Variants in HSPA12A observed in about 807,000 individuals in gnomAD.
HSPA12A encodes heat shock protein family A (Hsp70) member 12A, also known as heat shock 70 kDa protein 12A.
A neutral mutation model predicts 69.2 loss-of-function variants in HSPA12A; 28 were observed. The ratio of observed to expected loss-of-function variants is 0.40; its 90% confidence interval spans 0.30 to 0.55. The LOEUF is 0.55. HSPA12A is among the 20% of genes least tolerant of loss of function. HSPA12A has a pLI of 0.38. For missense variants in HSPA12A, 686 were observed against 900.7 expected (o/e 0.76, Z 3.05); for synonymous variants, 345 against 370.5 (o/e 0.93, Z 0.79).
At chr10:116,716,467 T>C (rs1589655754) in intron 1 of HSPA12A, among the ~76,000 whole-genome samples, 2 of 149,010 alleles carry the variant, frequency 1.3e-5, no homozygotes, top group Admixed American at 6.7e-5. Context: ...GTGGGGGGTG[T>C]GTATGTGTGT....
At chr10:116,742,606 C>T (rs1270921779), upstream of HSPA12A, 3 of 1,088,646 alleles carry the variant, frequency 2.8e-6, no homozygotes, top group Non-Finnish European at 3.3e-6. Context: ...GACGCGGCAG[C>T]CGCCGCAGCC....
chr10:116,721,111 T>C (rs1554884335), intron 1 of HSPA12A, among the ~76,000 whole-genome samples: 2 of 152,232 alleles, frequency 1.3e-5, no homozygotes, highest in Non-Finnish European at 2.9e-5. Flanking sequence ...ATGACAGACT[T>C]ACATTTGTAC....
intron 2 of HSPA12A, among the ~76,000 whole-genome samples, chr10:116,776,480 T>C (rs1844341546): frequency 6.6e-6 from 1 of 152,226 alleles, no homozygotes; most frequent in South Asian, 2.1e-4. Flanking sequence ...TGATTCCTTA[T>C]ATTTAGAAAG....
At chr10:116,706,538 T>A (rs1414282591) in intron 2 of HSPA12A, among the ~76,000 whole-genome samples, 1 of 152,178 alleles carries the variant, frequency 6.6e-6, no homozygotes, top group Non-Finnish European at 1.5e-5. Flanking sequence ...TCCCTGGGTC[T>A]TCTTTGTGCG....
chr10:116,741,370 C>T (rs555684239), intron 1 of HSPA12A, among the ~76,000 whole-genome samples: 1 of 152,262 alleles, frequency 6.6e-6, no homozygotes, highest in African/African-American at 2.4e-5. Flanking sequence ...CAGAGCCAAG[C>T]GCTCGTTTCG....
intron 1 of HSPA12A, among the ~76,000 whole-genome samples, chr10:116,837,635 T>C (rs903726986): frequency 2.6e-5 from 4 of 152,180 alleles, no homozygotes; most frequent in Non-Finnish European, 4.4e-5. Flanking sequence ...GCATTTTTTT[T>C]CCTTAGAATT....
intron 3 of HSPA12A, among the ~76,000 whole-genome samples, chr10:116,701,786 A>C (rs984596869): frequency 1.3e-5 from 2 of 152,200 alleles, no homozygotes; most frequent in African/African-American, 4.8e-5. Flanking sequence ...GAAAATGGGA[A>C]GGGTGAGAAA....
intron 1 of HSPA12A, among the ~76,000 whole-genome samples, chr10:116,737,024 C>G (rs1276036514): frequency 6.6e-6 from 1 of 152,210 alleles, no homozygotes; most frequent in Non-Finnish European, 1.5e-5. Context: ...CGGCTCTACT[C>G]TGAGTGCTTT....
chr10:116,696,022 A>AAAAAAAAAAAAAAAAAAAAC (rs1554880844), intron 5 of HSPA12A, among the ~76,000 whole-genome samples: 6 of 148,470 alleles, frequency 4.0e-5, no homozygotes, highest in Non-Finnish European at 7.4e-5. Context: ...AAAAAAAAAA[A>AAAAAAAAAAAAAAAAAAAAC]AGGCTTGCAG....
intron 1 of HSPA12A, among the ~76,000 whole-genome samples, chr10:116,740,392 A>G (rs1271792378): frequency 6.6e-6 from 1 of 152,174 alleles, no homozygotes; most frequent in Non-Finnish European, 1.5e-5. Context: ...TACTATTCAC[A>G]TCCTCCATTT....
At chr10:116,753,059 C>T (rs1311700485) in intron 2 of HSPA12A, among the ~76,000 whole-genome samples, 3 of 152,228 alleles carry the variant, frequency 2.0e-5, no homozygotes, top group African/African-American at 4.8e-5. Flanking sequence ...AAGTCCTCAG[C>T]CTTCCCTACT....
At chr10:116,778,884 G>A (rs1357157569) in intron 2 of HSPA12A, among the ~76,000 whole-genome samples, 3 of 152,212 alleles carry the variant, frequency 2.0e-5, no homozygotes, top group Admixed American at 2.0e-4. Context: ...GCAGTGAGCT[G>A]TGACTGCACC....
At chr10:116,771,775 TAGAA>T (rs1367560813) in intron 2 of HSPA12A, among the ~76,000 whole-genome samples, 1 of 145,164 alleles carries the variant, frequency 6.9e-6, no homozygotes, top group Non-Finnish European at 1.5e-5. Context: ...GGGGCCCAGA[TAGAA>T]AGGCAGAAAA....
At chr10:116,789,871 G>A (rs759801920) in intron 2 of HSPA12A, among the ~76,000 whole-genome samples, 2 of 152,030 alleles carry the variant, frequency 1.3e-5, no homozygotes, top group Non-Finnish European at 2.9e-5. Context: ...TTCACCGGAT[G>A]CCCAGACGTC....
chr10:116,783,569 C>T (rs1346886258), intron 2 of HSPA12A, among the ~76,000 whole-genome samples: 1 of 152,236 alleles, frequency 6.6e-6, no homozygotes, highest in Non-Finnish European at 1.5e-5. Context: ...CCAGTCCACT[C>T]TCTCCCGCTA....
At chr10:116,719,146 G>A (rs1554884122) in intron 1 of HSPA12A, among the ~76,000 whole-genome samples, 1 of 152,140 alleles carries the variant, frequency 6.6e-6, no homozygotes, top group Non-Finnish European at 1.5e-5. Context: ...TACATTTGGG[G>A]TGTGATCCCT....
intron 2 of HSPA12A, among the ~76,000 whole-genome samples, chr10:116,752,437 T>A (rs781894744): frequency 6.6e-6 from 1 of 152,168 alleles, no homozygotes; most frequent in Non-Finnish European, 1.5e-5. Context: ...CACTTATTCA[T>A]CCTATCCGTC....
At chr10:116,705,711 C>A (rs1468720368) in intron 2 of HSPA12A, among the ~76,000 whole-genome samples, 1 of 152,214 alleles carries the variant, frequency 6.6e-6, no homozygotes, top group Non-Finnish European at 1.5e-5. Flanking sequence ...CTCTGTACAC[C>A]CAGGTGACTG....
intron 2 of HSPA12A, among the ~76,000 whole-genome samples, chr10:116,755,837 A>T (rs1843834341): frequency 6.6e-6 from 1 of 151,562 alleles, no homozygotes; most frequent in Non-Finnish European, 1.5e-5. Context: ...AAAATACAAA[A>T]ATAAAGAGCC....
Sources: allele counts gnomAD v4.1 joint callset (sites outside exome capture counted in the v4.1 genomes callset), GRCh38; gene constraint gnomAD v4.1.1; transcripts MANE v1.5; gene names NCBI Gene and HGNC (gene_info 2026-07-23, HGNC 2026-07-21).